ARHGAP24: variants seen among roughly 807,000 people sequenced by gnomAD.
ARHGAP24 encodes the protein Rho GTPase activating protein 24, also known as rho GTPase-activating protein 24.
In ARHGAP24, 50 loss-of-function variants were observed where a neutral mutation model predicts 76.4. That is an observed-to-expected ratio of 0.65 (90% confidence interval 0.52 to 0.83). The LOEUF (loss-of-function observed/expected upper bound fraction) is 0.83, where lower values mean the gene tolerates loss of function less well. Among genes scored for constraint, ARHGAP24 ranks in the 40% least tolerant of loss-of-function variants. ARHGAP24 has a pLI of 0.00. For missense variants in ARHGAP24, 930 were observed against 914.2 expected (o/e 1.02, Z -0.22); for synonymous variants, 345 against 323.3 (o/e 1.07, Z -0.72).
intron 3 of ARHGAP24, among the ~76,000 whole-genome samples, chr4:85,916,509 A>T (rs577697303): frequency 5.9e-5 from 9 of 152,272 alleles, no homozygotes; most frequent in Middle Eastern, 3.4e-3. Context: ...AATACTTAAA[A>T]AAATAAATAA....
intron 1 of ARHGAP24, among the ~76,000 whole-genome samples, chr4:85,534,019 A>C (rs1725370274): frequency 6.6e-6 from 1 of 152,210 alleles, no homozygotes; most frequent in Non-Finnish European, 1.5e-5. Context: ...AGGGAATAAG[A>C]AATCCACAAG....
At chr4:85,729,623 G>A (rs1047751344) in intron 3 of ARHGAP24, among the ~76,000 whole-genome samples, 11 of 152,046 alleles carry the variant, frequency 7.2e-5, no homozygotes, top group Admixed American at 6.6e-4. Flanking sequence ...TAGACCAGGG[G>A]CCAGCAAACC....
rs57348830 is a variant in ARHGAP24 at position 85,610,451 on chromosome 4, C to CAAAAAAA, written c.180+39755_180+39761dup. Among the ~76,000 whole-genome samples, 136 of 51,256 alleles carry CAAAAAAA rather than the reference C, an allele frequency of 2.7e-3. 7 individuals carry two copies. The highest frequency in any genetic ancestry group is 3.5e-3 in the African/African-American group (43 of 12,376). The allele number at this position is 51,256 out of a possible 152,430, so 33.6% of individuals were successfully genotyped here. On this transcript the variant is annotated intron_variant, in intron 2 of 9. Coordinates refer to ENST00000395184, the MANE Select transcript of ARHGAP24 (RefSeq NM_001025616.3). ...AGAGTGAGGAGTGAGACTCCATCTACAAAAAAAAAAAAAAAAAAAAAAAAA... is the reference window on the plus strand; with the variant it reads ...AGAGTGAGGAGTGAGACTCCATCTACAAAAAAAAAAAAAAAAAAAAAAAAAAAAAAAA...
At chr4:85,925,594 T>C (rs964913126) in intron 4 of ARHGAP24, among the ~76,000 whole-genome samples, 2 of 152,228 alleles carry the variant, frequency 1.3e-5, no homozygotes, top group African/African-American at 4.8e-5. Context: ...ACAGTATATA[T>C]ATTGCTATAA....
intron 1 of ARHGAP24, among the ~76,000 whole-genome samples, chr4:85,506,741 G>T (rs1035822780): frequency 6.6e-6 from 1 of 152,176 alleles, no homozygotes; most frequent in Non-Finnish European, 1.5e-5. Context: ...CTCACCCTCT[G>T]TGGGCTGCAC....
At chr4:85,617,857 T>C (rs1352547710) in intron 2 of ARHGAP24, among the ~76,000 whole-genome samples, 1 of 152,216 alleles carries the variant, frequency 6.6e-6, no homozygotes, top group African/African-American at 2.4e-5. Context: ...TGATGTATAG[T>C]TGAGAAACAA....
intron 2 of ARHGAP24, among the ~76,000 whole-genome samples, chr4:85,639,709 A>AAG (rs2109969367): frequency 6.6e-6 from 1 of 151,932 alleles, no homozygotes; most frequent in South Asian, 2.1e-4. Context: ...TTGGTAAAAA[A>AAG]AAAAAAAGGA....
At chr4:85,954,458 G>T (rs1053649328) in intron 5 of ARHGAP24, among the ~76,000 whole-genome samples, 2 of 152,106 alleles carry the variant, frequency 1.3e-5, no homozygotes, top group Non-Finnish European at 2.9e-5. Flanking sequence ...ATCCTTACCT[G>T]TCCTGATGCT....
intron 3 of ARHGAP24, among the ~76,000 whole-genome samples, chr4:85,773,507 C>T (rs916815934): frequency 6.6e-6 from 1 of 152,126 alleles, no homozygotes; most frequent in Non-Finnish European, 1.5e-5. Flanking sequence ...CTTCTGCATT[C>T]AAATTGTATT....
Position 85,627,238 on chromosome 4 carries a change from C to T in ARHGAP24, c.180+56517C>T, listed in dbSNP as rs558033893. Among the ~76,000 whole-genome samples the T allele has an allele frequency of 3.9e-5, 6 of 152,112 alleles. No homozygotes were observed. The East Asian group carries it at 9.6e-4, about 24-fold the overall frequency. The stretch of plus-strand genomic sequence containing the variant: ...TTTGGTCTTTGATGATGGTGACGTA[C>T]AGATGGGTTTTTGGTGTGAATGTCC... On this transcript the variant is annotated intron_variant, in intron 2 of 9. Transcript: ENST00000395184.
At chr4:85,612,083 TACAC>T (rs34030905) in intron 2 of ARHGAP24, among the ~76,000 whole-genome samples, 92 of 143,852 alleles carry the variant, frequency 6.4e-4, no homozygotes, top group African/African-American at 1.2e-3. Flanking sequence ...TTCATTACAT[TACAC>T]ACACACACAC....
chr4:85,638,986 A>G (rs1269329510), intron 2 of ARHGAP24, among the ~76,000 whole-genome samples: 5 of 152,162 alleles, frequency 3.3e-5, no homozygotes, highest in Non-Finnish European at 5.9e-5. Context: ...GTTATTTTAC[A>G]TGGGCATGGA....
intron 1 of ARHGAP24, among the ~76,000 whole-genome samples, chr4:85,535,489 A>C (rs1364822839): frequency 6.6e-6 from 1 of 152,222 alleles, no homozygotes; most frequent in Non-Finnish European, 1.5e-5. Flanking sequence ...AAAAGTACCC[A>C]GGTCATCCCA....
chr4:85,476,350 A>G (rs1300041136), intron 1 of ARHGAP24, among the ~76,000 whole-genome samples: 8 of 152,154 alleles, frequency 5.3e-5, no homozygotes, highest in Non-Finnish European at 5.9e-5. Flanking sequence ...TTTGTAGACT[A>G]TATCTCGTTT....
chr4:85,629,831 T>C (rs1415520661), intron 2 of ARHGAP24, among the ~76,000 whole-genome samples: 1 of 151,966 alleles, frequency 6.6e-6, no homozygotes, highest in East Asian at 1.9e-4. Flanking sequence ...TCTCTTTATA[T>C]TTAATCTATT....
At chr4:85,901,934 C>T (rs1398625109) in intron 3 of ARHGAP24, among the ~76,000 whole-genome samples, 1 of 151,968 alleles carries the variant, frequency 6.6e-6, no homozygotes, top group Non-Finnish European at 1.5e-5. Context: ...GTTTTAAGCC[C>T]CGCATGCATT....
chr4:85,623,899 G>T (rs1389785408), intron 2 of ARHGAP24, among the ~76,000 whole-genome samples: 1 of 145,924 alleles, frequency 6.9e-6, no homozygotes, highest in East Asian at 2.3e-4. Context: ...GTCTGTTATT[G>T]GTGTATAAGA....
intron 3 of ARHGAP24, 97 bp downstream of exon 3, chr4:85,722,069 T>A: frequency 1.8e-6 from 2 of 1,125,342 alleles, no homozygotes; most frequent in South Asian, 1.3e-5. Flanking sequence ...GAATCATGAC[T>A]GAGAACCTTA....
At chr4:85,876,100 A>G (rs1484603805) in intron 3 of ARHGAP24, among the ~76,000 whole-genome samples, 1 of 152,118 alleles carries the variant, frequency 6.6e-6, no homozygotes, top group Non-Finnish European at 1.5e-5. Context: ...AAAAGCGATT[A>G]TTTTGGTGAC....
Sources: gnomAD v4.1 joint callset for allele counts (sites outside exome capture counted in the v4.1 genomes callset) on GRCh38, gnomAD v4.1.1 for gene constraint, MANE v1.5 for transcripts, NCBI Gene and HGNC (gene_info 2026-07-23, HGNC 2026-07-21) for gene names.